Variants in DMBT1 observed in about 807,000 individuals in gnomAD.
DMBT1 encodes deleted in malignant brain tumors 1, also known as scavenger receptor cysteine-rich domain-containing protein DMBT1.
DMBT1 carries 198 observed loss-of-function variants against 252.9 expected under a neutral mutation model. The ratio of observed to expected loss-of-function variants is 0.78; its 90% CI spans 0.70 to 0.88. The LOEUF (loss-of-function observed/expected upper bound fraction) is 0.88. DMBT1 is among the 40% of genes least tolerant of loss of function. DMBT1 has a pLI of 0.00. For missense variants in DMBT1, 2,432 were observed against 2,404.7 expected, an observed-to-expected ratio of 1.01 and a Z score of -0.24; for synonymous variants, 990 against 942.7, an observed-to-expected ratio of 1.05 and a Z score of -0.92.
intron 43 of DMBT1, 111 bp downstream of exon 43, chr10:122,620,402 C>T (rs1247773582): frequency 1.5e-6 from 2 of 1,312,270 alleles, no homozygotes; most frequent in Non-Finnish European, 2.2e-6. Flanking sequence ...TTTCATGTTT[C>T]CGCGAGTTGC....
At chr10:122,589,313 C>G (rs1458789731) in intron 17 of DMBT1, 46 bp downstream of exon 17, 1 of 1,585,502 alleles carries the variant, frequency 6.3e-7, no homozygotes, top group African/African-American at 1.3e-5. Context: ...GTAGATTTTG[C>G]CCAGGAAGAG....
rs2098180394 is a variant in DMBT1, at chr10:122,633,201, C to T, written c.6408C>T (p.Ser2136=). ...LNITRPNTDY[S]CGGFLSQPSG... is the part of the protein sequence containing the mutation. ...TTTTTGTCCTGACAGCAGATTATTCCTGCGGAGGCTTCCTATCCCAACCAT... is the reference window on the plus strand; with the variant it reads ...TTTTTGTCCTGACAGCAGATTATTCTTGCGGAGGCTTCCTATCCCAACCAT... Residue 2136 remains serine, a synonymous_variant, in exon 52 of 56, where the codon TCC becomes TCT. Transcript: ENST00000338354. The T allele has an allele frequency of 6.2e-7, 1 of 1,613,912 alleles. No homozygotes were observed. The highest frequency in any genetic ancestry group is 1.3e-5 in the African/African-American group (1 of 75,056).
intron 6 of DMBT1, 59 bp from the exon 7 acceptor site, chr10:122,576,340 G>T: frequency 6.3e-7 from 1 of 1,588,982 alleles, no homozygotes; most frequent in Non-Finnish European, 8.6e-7. Flanking sequence ...TGCCCTGCAG[G>T]CCCTGAGACC....
rs192671649 is a variant in DMBT1, at chr10:122,619,942, C to G, written c.5246-311C>G. On this transcript the variant is annotated intron_variant, in intron 42 of 55. Coordinates refer to ENST00000338354, the MANE Select transcript of DMBT1 (RefSeq NM_001377530.1). The stretch of plus-strand genomic sequence containing the variant: ...GGTTCCCCTAACATTTTAGCTCGAA[C>G]TGTCAGAGTCTCAGCAATGGTGTCA... Among the ~76,000 whole-genome samples, 318 of 152,322 alleles carry G rather than the reference C, an allele frequency of 2.1e-3. 5 individuals are homozygous for G. The highest frequency in any genetic ancestry group is 2.6e-4 in the Non-Finnish European group (18 of 68,026).
chr10:122,591,396 C>A (rs2097847986), intron 18 of DMBT1, 83 bp from the exon 19 acceptor site: 1 of 1,408,372 alleles, frequency 7.1e-7, no homozygotes, highest in Non-Finnish European at 1.0e-6. Context: ...ATTCATGATG[C>A]TTGCCTTGTC....
chr10:122,580,375 G>C (rs968076470), intron 10 of DMBT1, among the ~76,000 whole-genome samples: 23 of 152,178 alleles, frequency 1.5e-4, no homozygotes, highest in Admixed American at 5.9e-4. Context: ...GTGTCTGTTT[G>C]TATCAGGCCT....
rs1259493808 is a variant in DMBT1, at chr10:122,589,608, T to C, written c.2107+341T>C. Among the ~76,000 whole-genome samples the C allele has an allele frequency of 1.3e-5, 2 of 148,228 alleles. 1 individual carries two copies. Among genetic ancestry groups the C allele is most frequent in the Non-Finnish European group, 3.0e-5 (2 of 66,632 alleles). On this transcript the variant is annotated intron_variant, in intron 17 of 55. Transcript: ENST00000338354. ...GGTTATTCATGAAGAAAGAGGCAGA[T>C]TTGGGTCTTGGCTTTGCAGGCTGCA...
chr10:122,600,733 G>A lies in DMBT1; in HGVS notation c.3311-258G>A, dbSNP rs540695663. Among the ~76,000 whole-genome samples the A allele has an allele frequency of 5.3e-5, 8 of 152,288 alleles. No homozygotes were observed. The South Asian group carries it at 1.0e-3, about 20-fold the overall frequency. On this transcript the variant is annotated intron_variant, in intron 27 of 55. Transcript: ENST00000338354. ...TCCATGCATCAGCAGATGTGGGATG[G>A]CATGGTGGGGGCATCCTCTAAGAGA...
chr10:122,576,343 CTGAGACCT>C, intron 6 of DMBT1, 48 bp from the exon 7 acceptor site: 1 of 1,595,606 alleles, frequency 6.3e-7, no homozygotes, highest in South Asian at 1.2e-5. Context: ...CCTGCAGGCC[CTGAGACCT>C]TGTGCCTCAG....
Position 122,573,702 on chromosome 10 carries a change from C to T in DMBT1, c.236-13C>T, listed in dbSNP as rs749729999. ...GCTACGATCAATGAGCTCTTCCTTT[C>T]TCCACCCTGCAGGTTCTCTGATTCC... On this transcript the variant is annotated splice_polypyrimidine_tract_variant and intron_variant, in intron 5 of 55. Coordinates refer to ENST00000338354, the MANE Select transcript of DMBT1 (RefSeq NM_001377530.1). 80 of 1,613,772 alleles carry T rather than the reference C, an allele frequency of 5.0e-5. No individual in the cohort carries two copies. The highest frequency in any genetic ancestry group is 2.0e-4 in the Admixed American group (12 of 60,006).
At position 122,617,289 on chromosome 10, in the gene DMBT1, G is replaced by A. The variant is rs572649379; in HGVS notation, c.4891+29G>A. Reference sequence around the variant, plus strand: ...AACAATCCTCTCACCCCTCCCTAGGGCTCACTATCTCTGGACATATTTTGT... The same window carrying A: ...AACAATCCTCTCACCCCTCCCTAGGACTCACTATCTCTGGACATATTTTGT... On this transcript the variant is annotated intron_variant, in intron 40 of 55. Coordinates refer to ENST00000338354, the MANE Select transcript of DMBT1 (RefSeq NM_001377530.1). The A allele has an allele frequency of 5.1e-5, 82 of 1,605,370 alleles. 2 individuals are homozygous for A. In the African/African-American group the frequency reaches 6.1e-4, roughly 12 times the overall value.
At chr10:122,637,644 G>A (rs559262368) in intron 54 of DMBT1, among the ~76,000 whole-genome samples, 1 of 152,180 alleles carries the variant, frequency 6.6e-6, no homozygotes, top group Non-Finnish European at 1.5e-5. Context: ...GTTAGGGTTG[G>A]GGGTGAGAGG....
chr10:122,585,787 C>T (rs942745033), intron 15 of DMBT1, among the ~76,000 whole-genome samples: 3 of 148,644 alleles, frequency 2.0e-5, no homozygotes, highest in African/African-American at 2.4e-5. Flanking sequence ...TGTGTAGCTC[C>T]ATCCTGTGTG....
intron 27 of DMBT1, among the ~76,000 whole-genome samples, chr10:122,600,723 ATG>A (rs984454470): frequency 3.3e-5 from 5 of 152,166 alleles, no homozygotes; most frequent in African/African-American, 1.2e-4. Flanking sequence ...GCATCAGCAG[ATG>A]TGGGATGGCA....
At position 122,629,850 on chromosome 10, in the gene DMBT1, A is replaced by G; in HGVS notation, c.5679A>G (p.Ser1893=). 18 of 1,613,982 alleles carry G rather than the reference A, an allele frequency of 1.1e-5. No homozygotes were observed. The highest frequency in any genetic ancestry group is 1.5e-5 in the Non-Finnish European group (18 of 1,179,874). Reference sequence around the variant, plus strand: ...CTCTCTCCTCTCTAGGACCCTCTTCAAATTGTGGTGGCTTCTTATTCTATG... The same window carrying G: ...CTCTCTCCTCTCTAGGACCCTCTTCGAATTGTGGTGGCTTCTTATTCTATG... ...PTTTTTARPS[S]NCGGFLFYAS... is the part of the protein sequence containing the mutation. Residue 1893 remains serine (S), a synonymous_variant, in exon 47 of 56, where the codon TCA becomes TCG. Coordinates refer to ENST00000338354, the MANE Select transcript of DMBT1 (RefSeq NM_001377530.1).
chr10:122,563,670 G>A lies in DMBT1; in HGVS notation c.62-2297G>A, dbSNP rs537870562. On this transcript the variant is annotated intron_variant, in intron 1 of 55. Coordinates refer to ENST00000338354, the MANE Select transcript of DMBT1 (RefSeq NM_001377530.1). ...ACCACCATTCCCACAATGGCAGCTG[G>A]AGTAACCTACAGCTATGTGGTTGAT... is the stretch of plus-strand genomic sequence containing the variant. Among the ~76,000 whole-genome samples the A allele has an allele frequency of 1.6e-4, 25 of 152,298 alleles. 1 individual carries two copies. The South Asian group carries it at 5.0e-3, about 30-fold the overall frequency.
chr10:122,571,254 C>A (rs2097660711), intron 4 of DMBT1, among the ~76,000 whole-genome samples: 1 of 152,212 alleles, frequency 6.6e-6, no homozygotes, highest in African/African-American at 2.4e-5. Context: ...ATCTTCCTGT[C>A]CTTCTGAAGC....
chr10:122,624,328 G>C (rs1343976153), intron 44 of DMBT1, among the ~76,000 whole-genome samples: 2 of 152,048 alleles, frequency 1.3e-5, no homozygotes, highest in African/African-American at 2.4e-5. Context: ...CACACCCAAG[G>C]GTTCTAGAAA....
Position 122,631,850 on chromosome 10 carries a change from T to C in DMBT1, c.6347-5T>C. On this transcript the variant is annotated splice_polypyrimidine_tract_variant and splice_region_variant and intron_variant, in intron 49 of 55. Coordinates refer to ENST00000338354, the MANE Select transcript of DMBT1 (RefSeq NM_001377530.1). ...ACCTATGCTTTTTTTCTATTCCTTT[T>C]TCAGGAAACCATCTATCGACACCTG... 2 of 1,613,934 alleles carry C rather than the reference T, an allele frequency of 1.2e-6. No homozygotes were observed. Among genetic ancestry groups the C allele is most frequent in the South Asian group, 1.1e-5 (1 of 91,072 alleles).
Sources: allele counts gnomAD v4.1 joint callset (sites outside exome capture counted in the v4.1 genomes callset), GRCh38; gene constraint gnomAD v4.1.1; transcripts MANE v1.5; gene names NCBI Gene and HGNC (gene_info 2026-07-23, HGNC 2026-07-21).